Variants in SLC25A26 observed in about 807,000 individuals in gnomAD.
SLC25A26 encodes the protein mitochondrial S-adenosylmethionine carrier protein.
Under a neutral mutation model 37.8 loss-of-function variants are expected in SLC25A26, and 36 were observed. That is an observed-to-expected ratio of 0.95 (90% confidence interval 0.73 to 1.26). SLC25A26 has a LOEUF of 1.26. Among genes scored for constraint, SLC25A26 ranks in the 50% most tolerant of loss-of-function variants. SLC25A26 has a pLI of 0.00. For synonymous variants in SLC25A26, 129 were observed against 122.5 expected, an observed-to-expected ratio of 1.05 and a Z score of -0.35; for missense variants, 390 against 331.1, an observed-to-expected ratio of 1.18 and a Z score of -1.38.
chr3:66,327,510 A>G (rs1393691948), intron 5 of SLC25A26, among the ~76,000 whole-genome samples: 1 of 152,228 alleles, frequency 6.6e-6, no homozygotes, highest in Non-Finnish European at 1.5e-5. Context: ...CTCCAAAAAT[A>G]AAAATGAAAC....
chr3:66,294,573 TAGAG>T (rs906542402), intron 5 of SLC25A26, among the ~76,000 whole-genome samples: 1 of 152,192 alleles, frequency 6.6e-6, no homozygotes, highest in African/African-American at 2.4e-5. Context: ...CTCCTCAAGT[TAGAG>T]GGAGAAAATA....
At chr3:66,148,455 G>A (rs757706334) in intron 1 of SLC25A26, among the ~76,000 whole-genome samples, 12 of 152,178 alleles carry the variant, frequency 7.9e-5, no homozygotes, top group Non-Finnish European at 1.2e-4. Flanking sequence ...AGGATGGAGG[G>A]CTGAGGACAG....
chr3:66,347,991 G>A (rs2107746030), intron 6 of SLC25A26, among the ~76,000 whole-genome samples: 1 of 152,310 alleles, frequency 6.6e-6, no homozygotes, highest in East Asian at 1.9e-4. Context: ...GCAGGGGGAA[G>A]GAGAGCATCA....
intron 5 of SLC25A26, among the ~76,000 whole-genome samples, chr3:66,269,557 A>G (rs1294595893): frequency 6.6e-6 from 1 of 152,180 alleles, no homozygotes; most frequent in Non-Finnish European, 1.5e-5. Flanking sequence ...GTGTTGGGAA[A>G]ATTCCATGAT....
chr3:66,270,880 C>A (rs964121737), intron 5 of SLC25A26, among the ~76,000 whole-genome samples: 3 of 152,048 alleles, frequency 2.0e-5, no homozygotes, highest in African/African-American at 4.8e-5. Context: ...TACATGAAAC[C>A]AGCTGCTATT....
At chr3:66,134,396 G>A (rs574646111) in intron 1 of SLC25A26, among the ~76,000 whole-genome samples, 7 of 152,320 alleles carry the variant, frequency 4.6e-5, no homozygotes, top group African/African-American at 1.7e-4. Flanking sequence ...TATAAATGGC[G>A]AAGAGAGAAT....
chr3:66,296,894 A>C (rs1324956906), intron 5 of SLC25A26, among the ~76,000 whole-genome samples: 4 of 152,094 alleles, frequency 2.6e-5, no homozygotes, highest in Non-Finnish European at 5.9e-5. Flanking sequence ...TGTTTTCCAC[A>C]CTCCCTGAAC....
At chr3:66,213,612 A>G (rs2071318094) in intron 1 of SLC25A26, among the ~76,000 whole-genome samples, 1 of 152,232 alleles carries the variant, frequency 6.6e-6, no homozygotes, top group South Asian at 2.1e-4. Context: ...GTTACAATCA[A>G]TGGACCTGCA....
At chr3:66,164,097 C>T (rs1335682872) in intron 1 of SLC25A26, among the ~76,000 whole-genome samples, 1 of 152,060 alleles carries the variant, frequency 6.6e-6, no homozygotes, top group East Asian at 1.9e-4. Context: ...ATATTCCAGG[C>T]CTATTGTAGA....
intron 3 of SLC25A26, among the ~76,000 whole-genome samples, chr3:66,256,561 A>G (rs562836840): frequency 2.6e-5 from 4 of 152,290 alleles, no homozygotes; most frequent in East Asian, 1.9e-4. Flanking sequence ...TACTCTTTAC[A>G]TAAGTATATG....
chr3:66,360,428 A>G (rs375746374), intron 6 of SLC25A26, among the ~76,000 whole-genome samples: 138 of 152,330 alleles, frequency 9.1e-4, no homozygotes, highest in African/African-American at 3.3e-3. Context: ...AAGTTACCTT[A>G]ATTGGAGAGG....
chr3:66,337,214 ATTTC>A (rs1271274052), intron 5 of SLC25A26, among the ~76,000 whole-genome samples: 3 of 152,072 alleles, frequency 2.0e-5, no homozygotes, highest in Non-Finnish European at 4.4e-5. Flanking sequence ...ACAGCAGCAG[ATTTC>A]TTTGTGTTCT....
At chr3:66,327,301 C>A (rs535033450) in intron 5 of SLC25A26, among the ~76,000 whole-genome samples, 1 of 152,198 alleles carries the variant, frequency 6.6e-6, no homozygotes, top group African/African-American at 2.4e-5. Flanking sequence ...TTTTAATATT[C>A]AAAATAATGT....
intron 5 of SLC25A26, among the ~76,000 whole-genome samples, chr3:66,344,218 A>G (rs539832306): frequency 1.3e-5 from 2 of 152,284 alleles, no homozygotes; most frequent in African/African-American, 4.8e-5. Flanking sequence ...AGGAAATAAC[A>G]ATACCAGGCC....
intron 5 of SLC25A26, among the ~76,000 whole-genome samples, chr3:66,341,436 A>G (rs930098697): frequency 1.3e-5 from 2 of 152,152 alleles, no homozygotes; most frequent in Non-Finnish European, 2.9e-5. Context: ...ATGTAAAGTG[A>G]TACATTAGGA....
At chr3:66,204,399 C>T (rs1303026489) in intron 1 of SLC25A26, among the ~76,000 whole-genome samples, 1 of 119,754 alleles carries the variant, frequency 8.4e-6, no homozygotes, top group African/African-American at 2.9e-5. Context: ...GCACTCCAGC[C>T]TGGGCGACTG....
chr3:66,138,168 G>A (rs1179456216), intron 1 of SLC25A26, among the ~76,000 whole-genome samples: 1 of 152,062 alleles, frequency 6.6e-6, no homozygotes, highest in Non-Finnish European at 1.5e-5. Flanking sequence ...ATTAAACAGA[G>A]AGTATTGCAT....
At chr3:66,253,252 C>CA (rs558009761) in intron 3 of SLC25A26, among the ~76,000 whole-genome samples, 8 of 150,248 alleles carry the variant, frequency 5.3e-5, no homozygotes, top group Non-Finnish European at 7.4e-5. Context: ...AAAAAAAAAG[C>CA]AAAAAAAAGT....
At chr3:66,198,250 T>C (rs1433949027) in intron 1 of SLC25A26, among the ~76,000 whole-genome samples, 1 of 152,176 alleles carries the variant, frequency 6.6e-6, no homozygotes, top group East Asian at 1.9e-4. Context: ...CAGGGTCAAG[T>C]TGACCCCTCA....
Sources: gnomAD v4.1 joint callset for allele counts (sites outside exome capture counted in the v4.1 genomes callset) on GRCh38, gnomAD v4.1.1 for gene constraint, MANE v1.5 for transcripts, NCBI Gene and HGNC (gene_info 2026-07-23, HGNC 2026-07-21) for gene names.